The following KLHL29 variants were observed in gnomAD, a reference collection of about 807,000 sequenced individuals.
KLHL29 encodes kelch-like protein 29.
Under a neutral mutation model 80.4 loss-of-function variants are expected in KLHL29, and 21 were observed. That is an observed-to-expected ratio of 0.26 (90% CI 0.19 to 0.38). The LOEUF is 0.38. Among genes scored for constraint, KLHL29 ranks in the 10% least tolerant of loss-of-function variants. KLHL29 has a pLI of 1.00. For missense variants in KLHL29, 867 were observed against 1,223.9 expected (o/e 0.71, Z 4.35); for synonymous variants, 511 against 526.8 (o/e 0.97, Z 0.41).
chr2:23,700,779 A>ACAGAGCAGTGG lies in KLHL29; in HGVS notation c.2106-2405_2106-2395dup, dbSNP rs1672312750. On this transcript the variant is annotated intron_variant, in intron 11 of 13. Transcript: ENST00000486442. This position sits in a 1 kb window ranked among gnomAD's most constrained non-coding sequence, Gnocchi z 4.6. ...TGTTCCGGTTGAAGTGCCCTTGACTACAGAGCAGTGGCCTGCTGGAGATTC... is the reference window on the plus strand; with the variant it reads ...TGTTCCGGTTGAAGTGCCCTTGACTACAGAGCAGTGGCAGAGCAGTGGCCTGCTGGAGATTC... Among the ~76,000 whole-genome samples the ACAGAGCAGTGG allele has an allele frequency of 6.6e-6, 1 of 152,154 alleles. No individual in the cohort carries two copies. The highest frequency in any genetic ancestry group is 6.5e-5 in the Admixed American group (1 of 15,280).
chr2:23,654,913 A>G (rs2149165919), intron 5 of KLHL29, among the ~76,000 whole-genome samples: 1 of 152,192 alleles, frequency 6.6e-6, no homozygotes, highest in South Asian at 2.1e-4. Context: ...GCCACACCAC[A>G]CCTTGGGGCT....
chr2:23,458,851 T>G (rs1346771087), intron 1 of KLHL29, among the ~76,000 whole-genome samples: 1 of 152,188 alleles, frequency 6.6e-6, no homozygotes, highest in African/African-American at 2.4e-5. Flanking sequence ...TGCATGGTCT[T>G]GGAGCCATGC....
At chr2:23,415,521 A>G (rs995646297) in intron 1 of KLHL29, among the ~76,000 whole-genome samples, 1 of 152,234 alleles carries the variant, frequency 6.6e-6, no homozygotes, top group African/African-American at 2.4e-5. Flanking sequence ...TTGGAGGTTT[A>G]GTAGTCCATG....
intron 6 of KLHL29, chr2:23,691,248 G>A (rs1671580169): frequency 4.3e-6 from 1 of 230,436 alleles, no homozygotes; most frequent in Non-Finnish European, 8.6e-6. Context: ...CCAGTTGGGA[G>A]CCTCCCAAGC....
intron 3 of KLHL29, among the ~76,000 whole-genome samples, chr2:23,577,758 AAAAAG>A (rs1288851782): frequency 2.6e-5 from 4 of 152,022 alleles, no homozygotes; most frequent in African/African-American, 7.2e-5. Flanking sequence ...CAAAAAAAAA[AAAAAG>A]AAAAGAAAGA....
intron 2 of KLHL29, among the ~76,000 whole-genome samples, chr2:23,509,866 T>TG (rs1328516317): frequency 6.6e-6 from 1 of 152,200 alleles, no homozygotes; most frequent in Non-Finnish European, 1.5e-5. Flanking sequence ...AACTGTTTTT[T>TG]CATTCCTCCT....
In KLHL29 at chr2:23,681,469, A is replaced by G. The variant is rs1159837018; in HGVS notation, c.941-2930A>G. On this transcript the variant is annotated intron_variant, in intron 5 of 13. Transcript: ENST00000486442. This position sits in a 1 kb window ranked among gnomAD's most constrained non-coding sequence, Gnocchi z 4.2. ...TTGCCGGGACCTCGATTTGAAAGGA[A>G]GGTCTTCAGAAACCCTCAGGATGCC... 6.6e-6 allele frequency among the ~76,000 whole-genome samples: 1 copy of G among 152,158 alleles called. No individual in the cohort carries two copies. Among genetic ancestry groups the G allele is most frequent in the East Asian group, 1.9e-4 (1 of 5,190 alleles).
At chr2:23,670,139 G>C (rs1168606295) in intron 5 of KLHL29, 1 of 152,062 alleles carries the variant, frequency 6.6e-6, no homozygotes, top group Non-Finnish European at 1.5e-5. Flanking sequence ...GGCTGCACAG[G>C]GCTCTGGGAA....
Position 23,385,224 on chromosome 2 carries a change from G to A in KLHL29, c.-710G>A. 6.7e-6 allele frequency: 1 copy of A among 148,994 alleles called. No individual in the cohort carries two copies. Among genetic ancestry groups the A allele is most frequent in the Non-Finnish European group, 1.5e-5 (1 of 66,794 alleles). 9.2% of individuals were successfully genotyped at this position (148,994 alleles called of 1,614,324 possible). A position where few individuals can be genotyped will look rare whatever the true frequency, so the allele number is the denominator to read the frequency against. ...CGAGCCAGAAGGGAGCATGGTCCCCGCGCCGCGGCCGCGCCAGCCCCCGCG... is the reference window on the plus strand; with the variant it reads ...CGAGCCAGAAGGGAGCATGGTCCCCACGCCGCGGCCGCGCCAGCCCCCGCG... On this transcript the variant is annotated 5_prime_UTR_variant, in exon 1 of 14. Transcript: ENST00000486442.
Position 23,562,537 on chromosome 2 carries a change from G to A in KLHL29, c.285+56G>A, listed in dbSNP as rs1009428941. ...CCGGACAGAGGGGCCCTGCCTCCCT[G>A]CAGGCTCAGGCCAGCCCCACAGGCT... On this transcript the variant is annotated intron_variant, in intron 3 of 13. Coordinates refer to ENST00000486442, the MANE Select transcript of KLHL29 (RefSeq NM_052920.2). The surrounding 1 kb of genome is among the most constrained non-coding windows in gnomAD (Gnocchi z 4.5). The A allele has an allele frequency of 6.6e-7, 1 of 1,512,336 alleles. No homozygotes were observed. Among genetic ancestry groups the A allele is most frequent in the Non-Finnish European group, 8.8e-7 (1 of 1,131,422 alleles). 93.7% of individuals were successfully genotyped at this position (1,512,336 alleles called of 1,614,324 possible).
At chr2:23,471,032 C>G (rs1031566711) in intron 1 of KLHL29, among the ~76,000 whole-genome samples, 4 of 152,184 alleles carry the variant, frequency 2.6e-5, no homozygotes, top group Non-Finnish European at 5.9e-5. Context: ...GGCGTTCCTG[C>G]CCAGGGTCAG....
chr2:23,463,325 A>C (rs1197355769), intron 1 of KLHL29, among the ~76,000 whole-genome samples: 2 of 152,062 alleles, frequency 1.3e-5, no homozygotes, highest in Non-Finnish European at 2.9e-5. Context: ...GTTTATAATA[A>C]CATACAGACA....
rs993493551 is a variant in KLHL29, at chr2:23,596,495, A to G, written c.285+34014A>G. Among the ~76,000 whole-genome samples, 1 of 152,162 alleles carries G rather than the reference A, an allele frequency of 6.6e-6. No homozygotes were observed. Among genetic ancestry groups the G allele is most frequent in the Non-Finnish European group, 1.5e-5 (1 of 68,026 alleles). On this transcript the variant is annotated intron_variant, in intron 3 of 13. Coordinates refer to ENST00000486442, the MANE Select transcript of KLHL29 (RefSeq NM_052920.2). This position sits in a 1 kb window ranked among gnomAD's most constrained non-coding sequence, Gnocchi z 4.4. ...ACTAGGAGGCTCGCTGTGATTTATC[A>G]GGGGCCATGCCACACTGTCCTTGCA...
At chr2:23,634,235 G>A (rs779773352) in intron 3 of KLHL29, among the ~76,000 whole-genome samples, 1 of 152,228 alleles carries the variant, frequency 6.6e-6, no homozygotes, top group Non-Finnish European at 1.5e-5. Flanking sequence ...TGGCCTGCAG[G>A]TTCCCATCTG....
chr2:23,702,038 G>T (rs1236084439), intron 11 of KLHL29, among the ~76,000 whole-genome samples: 1 of 151,234 alleles, frequency 6.6e-6, no homozygotes, highest in Non-Finnish European at 1.5e-5. Flanking sequence ...GGTGAGCCTG[G>T]TCTCGAACTC....
chr2:23,423,545 C>A (rs950037153), intron 1 of KLHL29, among the ~76,000 whole-genome samples: 9 of 152,250 alleles, frequency 5.9e-5, no homozygotes, highest in African/African-American at 9.6e-5. Context: ...GTGTTTCTCT[C>A]AAAGGGAAAT....
At chr2:23,458,858 A>G (rs1664134592) in intron 1 of KLHL29, among the ~76,000 whole-genome samples, 1 of 152,228 alleles carries the variant, frequency 6.6e-6, no homozygotes, top group South Asian at 2.1e-4. Flanking sequence ...TCTTGGAGCC[A>G]TGCTGTGCCT....
At chr2:23,642,110 C>G (rs1669784490) in intron 4 of KLHL29, among the ~76,000 whole-genome samples, 1 of 152,186 alleles carries the variant, frequency 6.6e-6, no homozygotes. Context: ...TCACCTCTCC[C>G]AGGCAGGCCT....
Position 23,385,463 on chromosome 2 carries a change from C to CGCG in KLHL29, c.-469_-468insGGC, listed in dbSNP as rs1414662257. On this transcript the variant is annotated 5_prime_UTR_variant, in exon 1 of 14. Transcript: ENST00000486442. ...ATGCTGCCGGAGCCGCCGCCGCCGC[C>CGCG]GCCGCCTCGATGAGAGCCGCGCCGC... is the stretch of plus-strand genomic sequence containing the variant. 1.2e-5 allele frequency: 2 copies of CGCG among 171,640 alleles called. No homozygotes were observed. The highest frequency in any genetic ancestry group is 2.7e-5 in the Non-Finnish European group (2 of 74,694). 10.6% of individuals were successfully genotyped at this position (171,640 alleles called of 1,614,324 possible).
Sources: allele counts gnomAD v4.1 joint callset (sites outside exome capture counted in the v4.1 genomes callset), GRCh38; gene constraint gnomAD v4.1.1; non-coding constraint Gnocchi (gnomAD v3.1); transcripts MANE v1.5; gene names NCBI Gene and HGNC (gene_info 2026-07-23, HGNC 2026-07-21).